The following TBC1D22A variants were observed in gnomAD, a reference collection of about 807,000 sequenced individuals.
TBC1D22A encodes the protein putative GTPase activator.
Under a neutral mutation model 60.2 loss-of-function variants are expected in TBC1D22A, and 38 were observed. The observed-to-expected ratio is 0.63, with a 90% CI of 0.49 to 0.83. The LOEUF is 0.83. Ranked by LOEUF, TBC1D22A falls within the 40% of genes least tolerant of loss-of-function variation. TBC1D22A has a pLI of 0.00. For missense variants in TBC1D22A, 628 were observed against 701.0 expected (o/e 0.90, Z 1.18); for synonymous variants, 302 against 281.7 (o/e 1.07, Z -0.72).
intron 11 of TBC1D22A, among the ~76,000 whole-genome samples, chr22:47,078,621 G>A (rs1454788667): frequency 6.6e-6 from 1 of 152,244 alleles, no homozygotes; most frequent in Non-Finnish European, 1.5e-5. Context: ...GTTGCTATCA[G>A]TGTGATTCTT....
intron 1 of TBC1D22A, among the ~76,000 whole-genome samples, chr22:46,767,181 G>A (rs142766350): frequency 6.6e-6 from 1 of 152,282 alleles, no homozygotes; most frequent in East Asian, 1.9e-4. Context: ...TTCTGGATGA[G>A]CCAGGATGTG....
At chr22:47,139,059 C>T (rs763177355) in intron 12 of TBC1D22A, among the ~76,000 whole-genome samples, 23 of 152,342 alleles carry the variant, frequency 1.5e-4, no homozygotes, top group Non-Finnish European at 2.6e-4. Flanking sequence ...GCTCTGCAGC[C>T]GTCTCCCCTG....
chr22:47,025,185 C>T (rs764036722), intron 10 of TBC1D22A, among the ~76,000 whole-genome samples: 1 of 152,204 alleles, frequency 6.6e-6, no homozygotes, highest in Non-Finnish European at 1.5e-5. Flanking sequence ...GAGCTCCTCT[C>T]TTCAGGAAGT....
intron 12 of TBC1D22A, among the ~76,000 whole-genome samples, chr22:47,156,754 C>T (rs1415147138): frequency 6.6e-6 from 1 of 152,144 alleles, no homozygotes; most frequent in African/African-American, 2.4e-5. Flanking sequence ...CGTGTAAGTG[C>T]ACTTGCCTGC....
intron 8 of TBC1D22A, among the ~76,000 whole-genome samples, chr22:46,923,880 G>A (rs542516087): frequency 6.6e-6 from 1 of 152,240 alleles, no homozygotes; most frequent in East Asian, 1.9e-4. Flanking sequence ...TTGAGATCAT[G>A]TAGCATAATT....
chr22:46,830,339 A>G (rs1355923832), intron 4 of TBC1D22A, among the ~76,000 whole-genome samples: 1 of 152,216 alleles, frequency 6.6e-6, no homozygotes, highest in African/African-American at 2.4e-5. Context: ...CCTGGAGGGT[A>G]GGGCCCTATT....
chr22:47,077,469 A>C (rs928487781), intron 11 of TBC1D22A, among the ~76,000 whole-genome samples: 3 of 152,182 alleles, frequency 2.0e-5, no homozygotes, highest in African/African-American at 7.2e-5. Flanking sequence ...CCTGGTAGCA[A>C]GCCCTCCCGC....
intron 10 of TBC1D22A, among the ~76,000 whole-genome samples, chr22:47,036,339 C>T (rs1231903442): frequency 6.6e-6 from 1 of 152,192 alleles, no homozygotes; most frequent in African/African-American, 2.4e-5. Context: ...TGGGATTTTG[C>T]CTCCAGGAGT....
At chr22:47,058,335 C>T (rs2063463751) in intron 11 of TBC1D22A, among the ~76,000 whole-genome samples, 1 of 152,104 alleles carries the variant, frequency 6.6e-6, no homozygotes, top group Non-Finnish European at 1.5e-5. Flanking sequence ...CCTCTCCCTG[C>T]CCCCCAGCTT....
At chr22:47,091,311 G>GCCTCGCGGAGGGAGTGA (rs1569437310) in intron 11 of TBC1D22A, among the ~76,000 whole-genome samples, 1 of 102,130 alleles carries the variant, frequency 9.8e-6, no homozygotes, top group African/African-American at 4.2e-5. Flanking sequence ...TCTTTGGGTG[G>GCCTCGCGGAGGGAGTGA]CTGCGTGTTG....
intron 6 of TBC1D22A, among the ~76,000 whole-genome samples, chr22:46,893,049 G>A (rs1241692859): frequency 6.6e-6 from 1 of 152,238 alleles, no homozygotes; most frequent in African/African-American, 2.4e-5. Flanking sequence ...CCACTTGGGC[G>A]TTTGACCTGT....
rs5767375 is a variant in TBC1D22A at position 46,855,661 on chromosome 22, G to A, written c.638-22992G>A. Reference sequence around the variant, plus strand: ...AGGATTGATGGGGTTCTAGACAGAAGCGCTCTGGGGCACCAGATCCAGGCT... The same window carrying A: ...AGGATTGATGGGGTTCTAGACAGAAACGCTCTGGGGCACCAGATCCAGGCT... On this transcript the variant is annotated intron_variant, in intron 4 of 12. Coordinates refer to ENST00000337137, the MANE Select transcript of TBC1D22A (RefSeq NM_014346.5). Among the ~76,000 whole-genome samples, 124 of 152,260 alleles carry A rather than the reference G, an allele frequency of 8.1e-4. 2 individuals carry two copies. The East Asian group carries it at 0.016, about 20-fold the overall frequency.
intron 9 of TBC1D22A, 142 bp downstream of exon 9, chr22:46,974,541 C>A: frequency 1.4e-6 from 1 of 699,720 alleles, no homozygotes; most frequent in Non-Finnish European, 2.5e-6. Context: ...TGGAATAGCA[C>A]AGACCCCTCC....
chr22:46,799,198 C>T (rs1044425098), intron 4 of TBC1D22A, among the ~76,000 whole-genome samples: 12 of 152,114 alleles, frequency 7.9e-5, no homozygotes, highest in East Asian at 1.9e-4. Context: ...TTGTTTTAAA[C>T]GTTTCGTGTT....
chr22:47,005,420 AC>A (rs919616433), intron 10 of TBC1D22A, among the ~76,000 whole-genome samples: 3 of 150,752 alleles, frequency 2.0e-5, no homozygotes, highest in South Asian at 2.1e-4. Context: ...ATATACACAT[AC>A]CCCTATAACA....
intron 4 of TBC1D22A, among the ~76,000 whole-genome samples, chr22:46,868,654 C>T (rs1333414489): frequency 6.6e-6 from 1 of 152,126 alleles, no homozygotes; most frequent in Non-Finnish European, 1.5e-5. Context: ...TGGTACTTGT[C>T]TTGATATTTC....
At chr22:46,781,053 C>T (rs553380773) in intron 1 of TBC1D22A, among the ~76,000 whole-genome samples, 5 of 152,230 alleles carry the variant, frequency 3.3e-5, no homozygotes, top group African/African-American at 1.2e-4. Context: ...TCCCCCTGCC[C>T]CGACCCCCAC....
chr22:47,157,211 C>T (rs564164574), intron 12 of TBC1D22A, among the ~76,000 whole-genome samples: 7 of 152,302 alleles, frequency 4.6e-5, no homozygotes, highest in East Asian at 3.9e-4. Flanking sequence ...GCAGAGTCAC[C>T]GTGGCACACG....
chr22:47,037,220 C>T (rs200739654), intron 11 of TBC1D22A, 22 bp downstream of exon 11: 43 of 1,611,508 alleles, frequency 2.7e-5, no homozygotes, highest in Admixed American at 1.3e-4. Flanking sequence ...TTCGCACCCT[C>T]CGCCATGGGG....
Sources: gnomAD v4.1 joint callset for allele counts (sites outside exome capture counted in the v4.1 genomes callset) on GRCh38, gnomAD v4.1.1 for gene constraint, MANE v1.5 for transcripts, NCBI Gene and HGNC (gene_info 2026-07-23, HGNC 2026-07-21) for gene names.